The following HDAC4 variants were observed in gnomAD, a reference collection of about 807,000 sequenced individuals.
HDAC4 encodes histone deacetylase A.
Under a neutral mutation model 135.1 loss-of-function variants are expected in HDAC4, and 16 were observed. The ratio of observed to expected loss-of-function variants is 0.12; its 90% CI spans 0.08 to 0.18. The LOEUF (loss-of-function observed/expected upper bound fraction) is 0.18, where lower values mean the gene tolerates loss of function less well. Ranked by LOEUF, HDAC4 falls within the 10% of genes least tolerant of loss-of-function variation. The pLI is 1.00. For missense variants in HDAC4, 1,143 were observed against 1,511.8 expected (o/e 0.76, Z 4.05); for synonymous variants, 685 against 653.4 (o/e 1.05, Z -0.74).
At chr2:239,314,910 G>A (rs758389902) in intron 2 of HDAC4, among the ~76,000 whole-genome samples, 6 of 152,106 alleles carry the variant, frequency 3.9e-5, no homozygotes, top group Non-Finnish European at 7.4e-5. Context: ...TGATGGGGAC[G>A]GGCATTCAGA....
Position 239,156,636 on chromosome 2 carries a change from A to G in HDAC4, c.733+16T>C. On this transcript the variant is annotated intron_variant, in intron 7 of 26. Coordinates refer to ENST00000543185, the MANE Select transcript of HDAC4 (RefSeq NM_001378414.1). ...TGCAGGAGACCTCCCGGCCCACAGC[A>G]TGCCTGGGCACTGACCTGTTTTCCT... The G allele has an allele frequency of 1.9e-6, 3 of 1,614,080 alleles. No individual in the cohort carries two copies. The highest frequency in any genetic ancestry group is 2.2e-5 in the East Asian group (1 of 44,886).
intron 2 of HDAC4, among the ~76,000 whole-genome samples, chr2:239,243,545 C>A (rs2048311451): frequency 6.6e-6 from 1 of 152,180 alleles, no homozygotes; most frequent in South Asian, 2.1e-4. Flanking sequence ...GTATAGGTCA[C>A]ACCTCACTGT....
At chr2:239,142,536 G>A (rs1418386180) in intron 8 of HDAC4, among the ~76,000 whole-genome samples, 1 of 152,222 alleles carries the variant, frequency 6.6e-6, no homozygotes, top group African/African-American at 2.4e-5. Context: ...GCTTAGAGTG[G>A]CTTGTGCTGA....
intron 2 of HDAC4, among the ~76,000 whole-genome samples, chr2:239,316,652 G>A (rs1005471774): frequency 6.6e-6 from 1 of 152,258 alleles, no homozygotes; most frequent in Admixed American, 6.5e-5. Context: ...ACAGGAATGA[G>A]CAGGAGCCTG....
chr2:239,252,371 C>T (rs1235220165), intron 2 of HDAC4, among the ~76,000 whole-genome samples: 3 of 152,210 alleles, frequency 2.0e-5, no homozygotes, highest in African/African-American at 7.2e-5. Context: ...AGCCGCAGTG[C>T]CACAGATAGC....
chr2:239,069,944 T>C (rs893253173), intron 22 of HDAC4, among the ~76,000 whole-genome samples: 14 of 152,232 alleles, frequency 9.2e-5, no homozygotes, highest in African/African-American at 3.1e-4. Flanking sequence ...GCCAGCTCCC[T>C]GTCCCACTAA....
At chr2:239,272,907 T>C (rs2050135372) in intron 2 of HDAC4, among the ~76,000 whole-genome samples, 2 of 152,154 alleles carry the variant, frequency 1.3e-5, no homozygotes, top group South Asian at 4.1e-4. Context: ...CTGCAACGGC[T>C]TCTTCCCTCC....
At chr2:239,180,037 G>A (rs1216613263) in intron 4 of HDAC4, among the ~76,000 whole-genome samples, 1 of 152,238 alleles carries the variant, frequency 6.6e-6, no homozygotes, top group Admixed American at 6.5e-5. Flanking sequence ...AGCGGCGTTG[G>A]CAAGGTGACG....
chr2:239,387,756 C>T (rs1414312540), intron 1 of HDAC4, among the ~76,000 whole-genome samples: 2 of 152,096 alleles, frequency 1.3e-5, no homozygotes, highest in Non-Finnish European at 2.9e-5. Flanking sequence ...TGCACCTGGG[C>T]CCTAAAAAGC....
intron 22 of HDAC4, among the ~76,000 whole-genome samples, chr2:239,070,541 G>A (rs573051900): frequency 6.0e-4 from 91 of 152,360 alleles, no homozygotes; most frequent in Non-Finnish European, 1.1e-3. Flanking sequence ...CCTTTAGGCT[G>A]CCGCCTTCGA....
chr2:239,357,136 T>C (rs779480275), intron 1 of HDAC4, among the ~76,000 whole-genome samples: 3 of 152,162 alleles, frequency 2.0e-5, no homozygotes, highest in Non-Finnish European at 2.9e-5. Context: ...TTCTGGGCCA[T>C]AAAACCAGTC....
intron 2 of HDAC4, among the ~76,000 whole-genome samples, chr2:239,282,904 CCA>C (rs771155917): frequency 1.3e-5 from 2 of 151,892 alleles, no homozygotes; most frequent in Admixed American, 6.6e-5. Context: ...AATGAACACA[CCA>C]CTCTACACAC....
intron 3 of HDAC4, among the ~76,000 whole-genome samples, chr2:239,211,098 C>CCTGA (rs112271436): frequency 0.02 from 3,021 of 152,260 alleles, 86 homozygotes; most frequent in African/African-American, 0.069. Context: ...AGATCAGAAG[C>CCTGA]CTGACTGCAG....
intron 2 of HDAC4, among the ~76,000 whole-genome samples, chr2:239,348,274 A>ACACGTCCCAGCAAATC (rs368857334): frequency 0.032 from 4,810 of 150,290 alleles, 340 homozygotes; most frequent in African/African-American, 0.11. Context: ...CTGACCACAG[A>ACACGTCCCAGCAAATC]CACGTCCCAG....
Position 239,307,753 on chromosome 2 carries a change from AC to A in HDAC4, c.22+44924del, listed in dbSNP as rs1440029711. On this transcript the variant is annotated intron_variant, in intron 2 of 26. Transcript: ENST00000543185. The surrounding 1 kb of genome is among the most constrained non-coding windows in gnomAD (Gnocchi z 4.8). The stretch of plus-strand genomic sequence containing the variant: ...GATTTTCTTCAAGTTCTCTTTTAGA[AC>A]AAGCAAAATGGAATGAGGATGTCGG... Among the ~76,000 whole-genome samples, 4 of 152,176 alleles carry A rather than the reference AC, an allele frequency of 2.6e-5. No individual in the cohort carries two copies. Among genetic ancestry groups the A allele is most frequent in the African/African-American group, 9.7e-5 (4 of 41,444 alleles).
At chr2:239,292,164 G>C (rs1377011690) in intron 2 of HDAC4, among the ~76,000 whole-genome samples, 1 of 152,224 alleles carries the variant, frequency 6.6e-6, no homozygotes, top group South Asian at 2.1e-4. Flanking sequence ...GATGGTAGGT[G>C]GGGCCCCAAG....
intron 3 of HDAC4, among the ~76,000 whole-genome samples, chr2:239,194,571 C>A (rs1490253306): frequency 6.6e-6 from 1 of 152,248 alleles, no homozygotes; most frequent in Non-Finnish European, 1.5e-5. Flanking sequence ...TGTGAAACAG[C>A]CAGCGAGCAG....
chr2:239,079,642 T>A (rs2035101663), intron 22 of HDAC4, among the ~76,000 whole-genome samples: 1 of 152,222 alleles, frequency 6.6e-6, no homozygotes, highest in Non-Finnish European at 1.5e-5. Context: ...CACATGTCCT[T>A]GTGAAGGGCC....
At chr2:239,376,727 C>T (rs757936507) in intron 1 of HDAC4, among the ~76,000 whole-genome samples, 9 of 151,820 alleles carry the variant, frequency 5.9e-5, no homozygotes, top group African/African-American at 1.2e-4. Flanking sequence ...ACTTGAGTAA[C>T]GATTAAAAAG....
Sources: allele counts gnomAD v4.1 joint callset (sites outside exome capture counted in the v4.1 genomes callset), GRCh38; gene constraint gnomAD v4.1.1; non-coding constraint Gnocchi (gnomAD v3.1); transcripts MANE v1.5; gene names NCBI Gene and HGNC (gene_info 2026-07-23, HGNC 2026-07-21).